OTC: variants seen among roughly 807,000 people sequenced by gnomAD.
OTC encodes ornithine transcarbamylase, also known as ornithine transcarbamylase, mitochondrial.
In OTC, 3 loss-of-function variants were observed where a neutral mutation model predicts 30.3. The observed-to-expected ratio is 0.10, with a 90% CI of 0.05 to 0.26. The LOEUF (loss-of-function observed/expected upper bound fraction) is 0.26, where lower values mean the gene tolerates loss of function less well. OTC is among the 10% of genes least tolerant of loss of function. The probability of loss-of-function intolerance (pLI) is 1.00; values close to 1 mark genes in which losing one functional copy is unlikely to be tolerated. For synonymous variants in OTC, 111 were observed against 99.7 expected, an observed-to-expected ratio of 1.11 and a Z score of -0.67; for missense variants, 194 against 260.3, an observed-to-expected ratio of 0.75 and a Z score of 1.75.
intron 1 of OTC, among the ~76,000 whole-genome samples, chrX:38,354,354 G>T (rs1177634330): frequency 8.9e-6 from 1 of 112,073 alleles, no homozygotes; most frequent in African/African-American, 3.2e-5. Context: ...AAAATGTGAT[G>T]AAATTTTATT....
At position 38,421,018 on chromosome X, in the gene OTC, A is replaced by G. The variant is rs756717549; in HGVS notation, c.1006-5A>G. 1.7e-6 allele frequency: 2 copies of G among 1,193,150 alleles called. No individual in the cohort carries two copies. Among genetic ancestry groups the G allele is most frequent in the South Asian group, 1.8e-5 (1 of 56,586 alleles). ...CATTTCTTTCTTTCTTTGTTGTGTCATCAGGCTGTCATGGTGTCCCTGCTG... is the reference window on the plus strand; with the variant it reads ...CATTTCTTTCTTTCTTTGTTGTGTCGTCAGGCTGTCATGGTGTCCCTGCTG... On this transcript the variant is annotated splice_region_variant and splice_polypyrimidine_tract_variant and intron_variant, in intron 9 of 9. Transcript: ENST00000039007.
the OTC span, among the ~76,000 whole-genome samples, chrX:38,338,569 C>T: frequency 8.9e-6 from 1 of 112,267 alleles, no homozygotes; most frequent in East Asian, 2.8e-4. Flanking sequence ...ATAATACATC[C>T]ACACTTTGCC....
rs191668912 is a variant in OTC at position 38,415,032 on chromosome X, C to T, written c.1005+3033C>T. 4.5e-5 allele frequency among the ~76,000 whole-genome samples: 5 copies of T among 110,742 alleles called. No homozygotes were observed. The East Asian group carries it at 1.1e-3, about 25-fold the overall frequency. Reference sequence around the variant, plus strand: ...GGGATGAGACCTTAGAGACTATCCACGCTAAATTCCTATTCTATAGGCAAA... The same window carrying T: ...GGGATGAGACCTTAGAGACTATCCATGCTAAATTCCTATTCTATAGGCAAA... On this transcript the variant is annotated intron_variant, in intron 9 of 9. Coordinates refer to ENST00000039007, the MANE Select transcript of OTC (RefSeq NM_000531.6).
the OTC span, among the ~76,000 whole-genome samples, chrX:38,334,771 C>T: frequency 8.9e-6 from 1 of 111,747 alleles, no homozygotes; most frequent in South Asian, 3.8e-4. Flanking sequence ...GGGCAGGGGT[C>T]CCCAACCCCT....
At chrX:38,337,620 C>A in the OTC span, among the ~76,000 whole-genome samples, 1 of 111,946 alleles carries the variant, frequency 8.9e-6, no homozygotes, top group South Asian at 3.7e-4. Context: ...GCCGTATTCA[C>A]CGCTTGGATT....
chrX:38,386,838 T>G (rs1034247060), intron 4 of OTC, among the ~76,000 whole-genome samples: 3 of 112,466 alleles, frequency 2.7e-5, no homozygotes, highest in African/African-American at 9.7e-5. Flanking sequence ...CTAAATCATA[T>G]GATAATTCTA....
At chrX:38,414,495 G>A (rs1275947484) in intron 9 of OTC, among the ~76,000 whole-genome samples, 1 of 111,556 alleles carries the variant, frequency 9.0e-6, no homozygotes, top group African/African-American at 3.3e-5. Flanking sequence ...TAAAATGAAA[G>A]TAGAGAGTCT....
the OTC span, among the ~76,000 whole-genome samples, chrX:38,335,173 A>G: frequency 8.9e-6 from 1 of 112,098 alleles, no homozygotes; most frequent in African/African-American, 3.2e-5. Context: ...GGGATAGCAC[A>G]GTTTTGACTA....
chrX:38,367,472 C>CT (rs766547928), intron 2 of OTC, 43 bp downstream of exon 2: 7 of 1,123,629 alleles, frequency 6.2e-6, no homozygotes, highest in African/African-American at 1.8e-5. Context: ...TACCAGTCCC[C>CT]TTTTTTTAAA....
chrX:38,362,388 T>C (rs2068276439), intron 1 of OTC, among the ~76,000 whole-genome samples: 1 of 111,662 alleles, frequency 9.0e-6, no homozygotes, highest in Admixed American at 9.6e-5. Flanking sequence ...GGAGATGTGA[T>C]TCAAGGGCAG....
intron 3 of OTC, among the ~76,000 whole-genome samples, chrX:38,378,316 T>C (rs774620770): frequency 9.5e-6 from 1 of 105,229 alleles, no homozygotes; most frequent in Non-Finnish European, 1.9e-5. Flanking sequence ...ACTTGGGTCC[T>C]GTAAATTTCC....
chrX:38,420,544 A>G (rs1169338040), intron 9 of OTC, among the ~76,000 whole-genome samples: 1 of 110,788 alleles, frequency 9.0e-6, no homozygotes, highest in Non-Finnish European at 1.9e-5. Context: ...TAGAGATAAT[A>G]CTCTTTCAGG....
chrX:38,360,228 T>C (rs772981745), intron 1 of OTC, among the ~76,000 whole-genome samples: 1 of 111,567 alleles, frequency 9.0e-6, no homozygotes, highest in South Asian at 3.7e-4. Flanking sequence ...GCCTGAATTC[T>C]TTCTTATACA....
At chrX:38,392,256 T>G (rs2068432644) in intron 4 of OTC, among the ~76,000 whole-genome samples, 1 of 112,458 alleles carries the variant, frequency 8.9e-6, no homozygotes, top group Admixed American at 9.5e-5. Context: ...TGCCAAAGAT[T>G]GTCTGCAGAG....
chrX:38,385,540 A>G (rs746642688), intron 4 of OTC, among the ~76,000 whole-genome samples: 1 of 111,848 alleles, frequency 8.9e-6, no homozygotes, highest in South Asian at 3.8e-4. Context: ...GCAATGCTGT[A>G]GGAAGAGTGT....
the OTC span, among the ~76,000 whole-genome samples, chrX:38,337,266 A>C: frequency 8.9e-6 from 1 of 112,424 alleles, no homozygotes; most frequent in Non-Finnish European, 1.9e-5. Flanking sequence ...CTCTTTATGT[A>C]GGAAACATTT....
chrX:38,417,556 A>G (rs1017411356), intron 9 of OTC, among the ~76,000 whole-genome samples: 7 of 111,752 alleles, frequency 6.3e-5, no homozygotes, highest in African/African-American at 2.3e-4. Context: ...TGTATTTTAC[A>G]TCTCTTACCA....
At chrX:38,362,389 T>A (rs1362443878) in intron 1 of OTC, among the ~76,000 whole-genome samples, 4 of 111,699 alleles carry the variant, frequency 3.6e-5, no homozygotes, top group Non-Finnish European at 7.5e-5. Context: ...GAGATGTGAT[T>A]CAAGGGCAGC....
chrX:38,402,158 C>T (rs1355080125), intron 5 of OTC, among the ~76,000 whole-genome samples: 2 of 112,084 alleles, frequency 1.8e-5, no homozygotes, highest in Non-Finnish European at 3.8e-5. Flanking sequence ...TGAGGTTAAG[C>T]TCAAAATAAA....
Sources: allele counts gnomAD v4.1 joint callset (sites outside exome capture counted in the v4.1 genomes callset), GRCh38; gene constraint gnomAD v4.1.1; transcripts MANE v1.5; gene names NCBI Gene and HGNC (gene_info 2026-07-23, HGNC 2026-07-21).